YME1L1: variants seen among roughly 807,000 people sequenced by gnomAD.
YME1L1 encodes ATP-dependent zinc metalloprotease YME1L1.
A neutral mutation model predicts 90.4 loss-of-function variants in YME1L1; 39 were observed. The ratio of observed to expected loss-of-function variants is 0.43; its 90% confidence interval spans 0.33 to 0.56. The LOEUF is 0.56. Among genes scored for constraint, YME1L1 ranks in the 20% least tolerant of loss-of-function variants. YME1L1 has a pLI of 0.03. For synonymous variants in YME1L1, 284 were observed against 287.3 expected, an observed-to-expected ratio of 0.99 and a Z score of 0.12; for missense variants, 617 against 868.4, an observed-to-expected ratio of 0.71 and a Z score of 3.64.
In YME1L1 at chr10:27,154,241, C is replaced by A. The variant is rs2057283810; in HGVS notation, c.-31G>T. The A allele has an allele frequency of 1.9e-6, 3 of 1,580,934 alleles. No homozygotes were observed. The highest frequency in any genetic ancestry group is 1.7e-6 in the Non-Finnish European group (2 of 1,162,716). ...GCGGGCCCTCAGCGACCTCACCCGC[C>A]TGCCGAAACTGTGCCCCTCTGTCCA... On this transcript the variant is annotated 5_prime_UTR_variant, in exon 1 of 19. In the 5' UTR this introduces an upstream ATG that the reference lacks. Coordinates refer to ENST00000376016, the MANE Select transcript of YME1L1 (RefSeq NM_014263.4).
chr10:27,142,392 C>A lies in YME1L1; in HGVS notation c.425G>T (p.Trp142Leu). Residue 142 changes from tryptophan (W) to leucine (L), a missense_variant, in exon 4 of 19, where the codon TGG becomes TTG. By Grantham distance (61) the Trp-to-Leu change is moderately conservative (BLOSUM62 -2). Transcript: ENST00000376016. ...TTATGGTTGTTGCTTCATACCTGGC[C>A]AGTACTGAAGATCTGAACAAATGCT... Reference protein sequence around the residue: ...LQSICSDLQYWPVFIQSRGFK... With the variant: ...LQSICSDLQYLPVFIQSRGFK... The A allele has an allele frequency of 6.8e-7, 1 of 1,466,090 alleles. No individual in the cohort carries two copies. The highest frequency in any genetic ancestry group is 9.1e-7 in the Non-Finnish European group (1 of 1,104,636). 90.8% of individuals were successfully genotyped at this position (1,466,090 alleles called of 1,614,324 possible).
chr10:27,117,833 A>T (rs2056829216), intron 14 of YME1L1, 106 bp from the exon 15 acceptor site: 2 of 1,153,694 alleles, frequency 1.7e-6, no homozygotes, highest in Non-Finnish European at 2.5e-6. Context: ...TCCTATCAGC[A>T]GATTCTGCAT....
chr10:27,114,500 A>G, intron 18 of YME1L1, 21 bp downstream of exon 18: 2 of 1,592,140 alleles, frequency 1.3e-6, no homozygotes, highest in Non-Finnish European at 1.7e-6. Flanking sequence ...GAAAATAAAT[A>G]AGCACAAAAA....
At chr10:27,147,487 C>T (rs543609810) in intron 2 of YME1L1, 1 of 1,613,992 alleles carries the variant, frequency 6.2e-7, no homozygotes, top group Non-Finnish European at 8.5e-7. Flanking sequence ...TTGGAGAAAC[C>T]CGCAGTGTAC....
chr10:27,124,056 A>C (rs2056893134), intron 9 of YME1L1, among the ~76,000 whole-genome samples: 1 of 152,240 alleles, frequency 6.6e-6, no homozygotes, highest in Non-Finnish European at 1.5e-5. Context: ...TCCTGATTTG[A>C]TGCTTTTTCA....
At chr10:27,141,043 T>C (rs939265436) in intron 4 of YME1L1, among the ~76,000 whole-genome samples, 1 of 152,222 alleles carries the variant, frequency 6.6e-6, no homozygotes, top group African/African-American at 2.4e-5. Flanking sequence ...TCTTTTATGC[T>C]TTAAGTTTTC....
rs758582909 is a variant in YME1L1 at position 27,134,787 on chromosome 10, T to A, written c.691+44A>T. ...CTTAAATGTAGGACTATGACTTCCT[T>A]TCAGTTACTCTTCTCAAACACGGAT... On this transcript the variant is annotated intron_variant, in intron 6 of 18. Transcript: ENST00000376016. The A allele has an allele frequency of 4.0e-5, 64 of 1,599,250 alleles. No individual in the cohort carries two copies. In the South Asian group the frequency reaches 7.1e-4, roughly 18 times the overall value.
chr10:27,149,437 C>T (rs1459160023), intron 1 of YME1L1, among the ~76,000 whole-genome samples: 1 of 152,086 alleles, frequency 6.6e-6, no homozygotes, highest in Non-Finnish European at 1.5e-5. Context: ...TGGTCGAGTG[C>T]AGTGGCTCAC....
In YME1L1 at chr10:27,131,974, T is replaced by C. The variant is rs764611211; in HGVS notation, c.776-33A>G. 6 of 1,553,326 alleles carry C rather than the reference T, an allele frequency of 3.9e-6. 1 individual carries two copies. The South Asian group carries it at 4.7e-5, about 12-fold the overall frequency. ...GAAGAAAAGAAATGTTTATATTTGA[T>C]AGATTAATAACATTCCAATCACCTT... On this transcript the variant is annotated intron_variant, in intron 7 of 18. Coordinates refer to ENST00000376016, the MANE Select transcript of YME1L1 (RefSeq NM_014263.4).
At chr10:27,124,987 G>GCA (rs1397895871) in intron 9 of YME1L1, among the ~76,000 whole-genome samples, 1 of 152,140 alleles carries the variant, frequency 6.6e-6, no homozygotes, top group African/African-American at 2.4e-5. Flanking sequence ...TCATTATTAA[G>GCA]CACTGATTTA....
intron 8 of YME1L1, among the ~76,000 whole-genome samples, chr10:27,131,025 G>A (rs1041104059): frequency 6.6e-6 from 1 of 152,144 alleles, no homozygotes; most frequent in African/African-American, 2.4e-5. Context: ...TATTACTTGA[G>A]AGCCTTTGCT....
chr10:27,122,643 G>A (rs963542841), intron 11 of YME1L1, among the ~76,000 whole-genome samples, 198 bp downstream of exon 11: 1 of 152,128 alleles, frequency 6.6e-6, no homozygotes, highest in African/African-American at 2.4e-5. Flanking sequence ...AGTTAGTAAT[G>A]AAAACAATAC....
intron 5 of YME1L1, among the ~76,000 whole-genome samples, chr10:27,135,465 G>C (rs2057017953): frequency 6.6e-6 from 1 of 152,188 alleles, no homozygotes; most frequent in South Asian, 2.1e-4. Flanking sequence ...TATTATGTTA[G>C]AAGTATTATG....
intron 8 of YME1L1, among the ~76,000 whole-genome samples, chr10:27,127,670 G>A (rs1232207927): frequency 6.6e-6 from 1 of 152,094 alleles, no homozygotes; most frequent in Non-Finnish European, 1.5e-5. Flanking sequence ...CAAAAATAGG[G>A]AAAATTCATG....
At chr10:27,116,467 G>C in intron 15 of YME1L1, 122 bp from the exon 16 acceptor site, 1 of 952,708 alleles carries the variant, frequency 1.0e-6, no homozygotes, top group Non-Finnish European at 1.5e-6. Context: ...GGGAGTTCGA[G>C]ACCAGCCTGA....
At chr10:27,151,344 G>A (rs1181744346) in intron 1 of YME1L1, among the ~76,000 whole-genome samples, 1 of 152,186 alleles carries the variant, frequency 6.6e-6, no homozygotes, top group Non-Finnish European at 1.5e-5. Context: ...GAGAACAATG[G>A]CAAACTTAGT....
rs550919429 is a variant in YME1L1, at chr10:27,111,063, A to C, written c.*914T>G. ...TTTTTTTTGTATTTAAATTTATTTT[A>C]ATTTTTTTTTGAGGCAGAGTCTTGC... On this transcript the variant is annotated 3_prime_UTR_variant, in exon 19 of 19. Coordinates refer to ENST00000376016, the MANE Select transcript of YME1L1 (RefSeq NM_014263.4). 1.3e-5 allele frequency: 2 copies of C among 151,258 alleles called. No individual in the cohort carries two copies. The highest frequency in any genetic ancestry group is 2.9e-5 in the Non-Finnish European group (2 of 67,882). The allele number at this position is 151,258 out of a possible 1,614,324, so 9.4% of individuals were successfully genotyped here. A position where few individuals can be genotyped will look rare whatever the true frequency, so the allele number is the denominator to read the frequency against.
intron 14 of YME1L1, 71 bp downstream of exon 14, chr10:27,119,223 G>A (rs2056842061): frequency 7.0e-7 from 1 of 1,424,586 alleles, no homozygotes; most frequent in Non-Finnish European, 9.4e-7. Flanking sequence ...TTTGAATAGA[G>A]TATTTGCCCC....
intron 8 of YME1L1, among the ~76,000 whole-genome samples, chr10:27,130,749 A>G (rs1443276143): frequency 6.6e-6 from 1 of 152,220 alleles, no homozygotes; most frequent in African/African-American, 2.4e-5. Context: ...GCTACTCTGG[A>G]GGCTGAGGCA....
Sources: gnomAD v4.1 joint callset for allele counts (sites outside exome capture counted in the v4.1 genomes callset) on GRCh38, gnomAD v4.1.1 for gene constraint, MANE v1.5 for transcripts, NCBI Gene and HGNC (gene_info 2026-07-23, HGNC 2026-07-21) for gene names.